Variants in GLRX3 observed in about 807,000 individuals in gnomAD.
GLRX3 encodes glutaredoxin-3.
GLRX3 carries 22 observed loss-of-function variants against 49.5 expected under a neutral mutation model. The observed-to-expected ratio is 0.44, with a 90% confidence interval of 0.32 to 0.63. The LOEUF (loss-of-function observed/expected upper bound fraction) is 0.63. Ranked by LOEUF, GLRX3 falls within the 30% of genes least tolerant of loss-of-function variation. The pLI is 0.05. For missense variants in GLRX3, 385 were observed against 396.3 expected (o/e 0.97, Z 0.24); for synonymous variants, 133 against 140.0 (o/e 0.95, Z 0.35).
chr10:130,171,632 A>G lies in GLRX3; in HGVS notation c.820A>G (p.Thr274Ala), dbSNP rs1862810913. 2 of 1,486,476 alleles carry G rather than the reference A, an allele frequency of 1.3e-6. No homozygotes were observed. The highest frequency in any genetic ancestry group is 9.4e-7 in the Non-Finnish European group (1 of 1,064,078). The allele number at this position is 1,486,476 out of a possible 1,614,324, so 92.1% of individuals were successfully genotyped here. ...ACAAATTCTGGAAATACTAAATAGT[A>G]CTGGGTATGTAAATGTTGTTTTCAA... ...SKQILEILNS[T>A]GVEYETFDIL... Residue 274 changes from threonine to alanine, a missense_variant, in exon 8 of 11, where the codon ACT becomes GCT. Thr to Ala is a moderately conservative substitution (Grantham distance 58, BLOSUM62 0). Around this residue, in one of 2 missense-constraint regions of GLRX3, gnomAD observed 374 missense variants for 358.6 expected, o/e 1.04. Transcript: ENST00000331244.
chr10:130,174,923 A>G lies in GLRX3; in HGVS notation c.864+17A>G, dbSNP rs779924579. ...GATGAAGAAGTAAGTTCTGTGTTTG[A>G]TGTTTCACCCTTGTCTTAGCTTTAA... On this transcript the variant is annotated intron_variant, in intron 9 of 10. Coordinates refer to ENST00000331244, the MANE Select transcript of GLRX3 (RefSeq NM_006541.5). 6.3e-7 allele frequency: 1 copy of G among 1,590,840 alleles called. No individual in the cohort carries two copies. Among genetic ancestry groups the G allele is most frequent in the Non-Finnish European group, 8.6e-7 (1 of 1,158,798 alleles).
intron 8 of GLRX3, among the ~76,000 whole-genome samples, chr10:130,174,132 T>G (rs576022987): frequency 2.3e-4 from 35 of 152,258 alleles, no homozygotes; most frequent in Non-Finnish European, 4.6e-4. Flanking sequence ...TTGTATGGTA[T>G]AAAGCCACAA....
At chr10:130,165,582 A>G (rs779948440) in intron 4 of GLRX3, among the ~76,000 whole-genome samples, 25 of 152,166 alleles carry the variant, frequency 1.6e-4, no homozygotes, top group Non-Finnish European at 5.9e-5. Flanking sequence ...CCGTCAATCT[A>G]TTGATGGTTC....
At chr10:130,163,506 GATAC>G (rs1257503271) in intron 4 of GLRX3, among the ~76,000 whole-genome samples, 5 of 152,148 alleles carry the variant, frequency 3.3e-5, no homozygotes, top group African/African-American at 1.2e-4. Context: ...AATATTTTGA[GATAC>G]ATATGGTTGA....
intron 2 of GLRX3, among the ~76,000 whole-genome samples, chr10:130,151,835 A>G (rs542400281): frequency 6.6e-6 from 1 of 151,910 alleles, no homozygotes; most frequent in Admixed American, 6.6e-5. Context: ...TTTGCTTTCC[A>G]TTTGCTTGGT....
At chr10:130,166,341 T>C (rs1204253213) in intron 4 of GLRX3, among the ~76,000 whole-genome samples, 166 bp from the exon 5 acceptor site, 3 of 152,102 alleles carry the variant, frequency 2.0e-5, no homozygotes, top group South Asian at 4.1e-4. Flanking sequence ...GATCCAGGAA[T>C]TTATTTTCTC....
chr10:130,140,538 A>G (rs1862153357), intron 1 of GLRX3, among the ~76,000 whole-genome samples: 2 of 152,122 alleles, frequency 1.3e-5, no homozygotes, highest in Non-Finnish European at 1.5e-5. Context: ...AATGTTTTAT[A>G]TTTTTGTTTC....
At chr10:130,167,678 A>G (rs1490551943) in intron 6 of GLRX3, among the ~76,000 whole-genome samples, 1 of 152,218 alleles carries the variant, frequency 6.6e-6, no homozygotes, top group Non-Finnish European at 1.5e-5. Flanking sequence ...ATTGTAAGAT[A>G]AACCTTCCTT....
chr10:130,174,809 A>C, intron 8 of GLRX3, 58 bp from the exon 9 acceptor site: 1 of 1,056,164 alleles, frequency 9.5e-7, no homozygotes, highest in Non-Finnish European at 1.5e-6. Flanking sequence ...AAATGCATAG[A>C]GGTTTTACAC....
At chr10:130,169,978 T>C (rs2134919485) in intron 7 of GLRX3, among the ~76,000 whole-genome samples, 1 of 152,358 alleles carries the variant, frequency 6.6e-6, no homozygotes, top group South Asian at 2.1e-4. Flanking sequence ...TCATTTTTAA[T>C]GGGATGGTTC....
intron 8 of GLRX3, 73 bp from the exon 9 acceptor site, chr10:130,174,794 A>G (rs906529627): frequency 1.1e-6 from 1 of 933,370 alleles, no homozygotes; most frequent in Non-Finnish European, 1.7e-6. Flanking sequence ...TATTTTAAAA[A>G]CATCAAATGC....
At chr10:130,179,159 T>C (rs1246948021) in intron 10 of GLRX3, among the ~76,000 whole-genome samples, 183 bp from the exon 11 acceptor site, 1 of 152,210 alleles carries the variant, frequency 6.6e-6, no homozygotes, top group African/African-American at 2.4e-5. Flanking sequence ...GTTAAATTTT[T>C]TAACCTGATA....
Position 130,166,560 on chromosome 10 carries a change from A to G in GLRX3, c.532A>G (p.Ser178Gly). The change falls in exon 5 of 11, where the codon AGT (serine) becomes GGT (glycine). Residue 178 changes from serine (S) to glycine (G), a missense_variant. Ser to Gly is a moderately conservative substitution (Grantham distance 56). Coordinates refer to ENST00000331244, the MANE Select transcript of GLRX3 (RefSeq NM_006541.5). ...TCACAAACATAATATTCAGTTTAGC[A>G]GTTTTGATATCTTCTCAGATGAAGA... is the stretch of plus-strand genomic sequence containing the variant. ...ILHKHNIQFS[S>G]FDIFSDEEVR... The G allele has an allele frequency of 6.2e-7, 1 of 1,612,438 alleles. No homozygotes were observed. The highest frequency in any genetic ancestry group is 8.5e-7 in the Non-Finnish European group (1 of 1,178,486).
chr10:130,157,068 C>T (rs1268887049), intron 2 of GLRX3, among the ~76,000 whole-genome samples: 4 of 152,160 alleles, frequency 2.6e-5, no homozygotes, highest in Admixed American at 6.5e-5. Context: ...CAAGTTATCT[C>T]CTGTGTTAGT....
intron 2 of GLRX3, among the ~76,000 whole-genome samples, chr10:130,157,493 G>GCCCCCC (rs1161867057): frequency 5.0e-4 from 3 of 5,978 alleles, no homozygotes; most frequent in Non-Finnish European, 6.2e-4. Flanking sequence ...GGTGGCCGCC[G>GCCCCCC]CCCCCCCCCC....
At chr10:130,148,467 GA>G (rs1240764537) in intron 2 of GLRX3, among the ~76,000 whole-genome samples, 4 of 100,322 alleles carry the variant, frequency 4.0e-5, no homozygotes, top group Non-Finnish European at 5.7e-5. Flanking sequence ...TTTTAATGAT[GA>G]AATGGTTTGG....
chr10:130,172,684 G>A lies in GLRX3; in HGVS notation c.824+1048G>A, dbSNP rs147838215. On this transcript the variant is annotated intron_variant, in intron 8 of 10. Coordinates refer to ENST00000331244, the MANE Select transcript of GLRX3 (RefSeq NM_006541.5). ...GGGCCAGGCACAGTGGCTCACACCT[G>A]TAATCCCAGCACTTTGGGAGGCTGA... 5.7e-3 allele frequency among the ~76,000 whole-genome samples: 864 copies of A among 152,328 alleles called. 9 individuals carry two copies. Among genetic ancestry groups the A allele is most frequent in the African/African-American group, 0.019 (807 of 41,578 alleles).
intron 10 of GLRX3, among the ~76,000 whole-genome samples, chr10:130,175,666 A>T (rs963533430): frequency 6.6e-6 from 1 of 152,212 alleles, no homozygotes; most frequent in Non-Finnish European, 1.5e-5. Flanking sequence ...TGGTTGTTGG[A>T]TGGATAAGTG....
At chr10:130,167,603 T>C (rs2134915111) in intron 6 of GLRX3, among the ~76,000 whole-genome samples, 1 of 152,312 alleles carries the variant, frequency 6.6e-6, no homozygotes. Flanking sequence ...GCAGTAAAAT[T>C]AATATAGAAC....
Sources: allele counts gnomAD v4.1 joint callset (sites outside exome capture counted in the v4.1 genomes callset), GRCh38; gene constraint gnomAD v4.1.1; regional missense constraint gnomAD v4.1.1; transcripts MANE v1.5; gene names NCBI Gene and HGNC (gene_info 2026-07-23, HGNC 2026-07-21).